ATG10: variants seen among roughly 807,000 people sequenced by gnomAD.
ATG10 encodes ubiquitin-like-conjugating enzyme ATG10.
ATG10 carries 30 observed loss-of-function variants against 32.1 expected under a neutral mutation model. That is an observed-to-expected ratio of 0.94 (90% confidence interval 0.70 to 1.27). The LOEUF is 1.27. ATG10 is among the 50% of genes most tolerant of loss of function. The probability of loss-of-function intolerance (pLI) is 0.00; values close to 1 mark genes in which losing one functional copy is unlikely to be tolerated. For missense variants in ATG10, 233 were observed against 262.3 expected, an observed-to-expected ratio of 0.89 and a Z score of 0.77; for synonymous variants, 87 against 91.5, an observed-to-expected ratio of 0.95 and a Z score of 0.28.
intron 5 of ATG10, among the ~76,000 whole-genome samples, chr5:82,237,419 G>A (rs1368164245): frequency 6.6e-6 from 1 of 151,988 alleles, no homozygotes; most frequent in Non-Finnish European, 1.5e-5. Context: ...CAAGGCAGGC[G>A]GATCACCTGA....
chr5:82,169,058 G>C (rs1260643848), intron 4 of ATG10, among the ~76,000 whole-genome samples: 1 of 152,166 alleles, frequency 6.6e-6, no homozygotes, highest in African/African-American at 2.4e-5. Context: ...TGGAGGGCTG[G>C]AGAGAGCCCA....
chr5:82,101,191 A>G (rs1765258968), intron 3 of ATG10, among the ~76,000 whole-genome samples: 1 of 152,172 alleles, frequency 6.6e-6, no homozygotes, highest in Admixed American at 6.5e-5. Flanking sequence ...ATATAAACAG[A>G]GTCTGGAGAT....
chr5:82,126,949 C>G (rs1766304134), intron 3 of ATG10, among the ~76,000 whole-genome samples: 1 of 151,980 alleles, frequency 6.6e-6, no homozygotes, highest in South Asian at 2.1e-4. Context: ...ATTACTGCCT[C>G]AGTTTCAGAA....
At chr5:82,225,958 A>C (rs1746114869) in intron 5 of ATG10, among the ~76,000 whole-genome samples, 1 of 152,236 alleles carries the variant, frequency 6.6e-6, no homozygotes, top group Admixed American at 6.5e-5. Context: ...AGCATCTTAG[A>C]GTGAGTTATA....
intron 5 of ATG10, among the ~76,000 whole-genome samples, chr5:82,248,318 T>C (rs1194079998): frequency 6.6e-6 from 1 of 152,254 alleles, no homozygotes; most frequent in African/African-American, 2.4e-5. Context: ...TTTTGCTATT[T>C]TTATTGACAG....
At chr5:82,035,145 C>T (rs1762876773) in intron 2 of ATG10, among the ~76,000 whole-genome samples, 1 of 152,150 alleles carries the variant, frequency 6.6e-6, no homozygotes, top group South Asian at 2.1e-4. Context: ...CTCCTGACCT[C>T]AGGTAATCCG....
chr5:82,239,214 G>A (rs1581839441), intron 5 of ATG10, among the ~76,000 whole-genome samples: 1 of 152,152 alleles, frequency 6.6e-6, no homozygotes, highest in South Asian at 2.1e-4. Context: ...CTACAGTGAC[G>A]TAGGGGCTAT....
chr5:82,195,537 C>T (rs191731677), intron 5 of ATG10, among the ~76,000 whole-genome samples: 1 of 152,216 alleles, frequency 6.6e-6, no homozygotes, highest in East Asian at 1.9e-4. Flanking sequence ...CGTGTGCTCC[C>T]ATTCCTTCCT....
At chr5:82,152,117 T>G (rs1767624755) in intron 3 of ATG10, among the ~76,000 whole-genome samples, 1 of 152,248 alleles carries the variant, frequency 6.6e-6, no homozygotes, top group Admixed American at 6.5e-5. Context: ...GTCTGCACCA[T>G]TACTAAATAA....
At chr5:82,092,731 T>C (rs1197309118) in intron 3 of ATG10, among the ~76,000 whole-genome samples, 1 of 152,168 alleles carries the variant, frequency 6.6e-6, no homozygotes, top group Non-Finnish European at 1.5e-5. Flanking sequence ...TCACATCTTA[T>C]TGGTCAAAAG....
intron 3 of ATG10, among the ~76,000 whole-genome samples, chr5:82,109,950 T>TCCCCCCCCC (rs5869105): frequency 7.6e-5 from 11 of 145,408 alleles, no homozygotes; most frequent in Admixed American, 2.1e-4. Flanking sequence ...CTATCCCCCA[T>TCCCCCCCCC]CCCCCCACCC....
chr5:82,190,878 A>G (rs776711110), intron 5 of ATG10, among the ~76,000 whole-genome samples: 29 of 152,104 alleles, frequency 1.9e-4, no homozygotes, highest in Non-Finnish European at 3.5e-4. Flanking sequence ...TGAGTTTTTT[A>G]AAAATGTGCA....
intron 3 of ATG10, among the ~76,000 whole-genome samples, chr5:82,119,112 T>C (rs1765938905): frequency 6.6e-6 from 1 of 152,214 alleles, no homozygotes; most frequent in Admixed American, 6.5e-5. Flanking sequence ...TTCAAGCCTA[T>C]GAAATCCAAA....
intron 2 of ATG10, among the ~76,000 whole-genome samples, chr5:82,014,555 G>A (rs1170457034): frequency 6.6e-6 from 1 of 152,184 alleles, no homozygotes; most frequent in South Asian, 2.1e-4. Flanking sequence ...AGCTCTTCTT[G>A]TTGAATTGAT....
At chr5:81,979,861 T>C (rs950711145) in intron 1 of ATG10, among the ~76,000 whole-genome samples, 12 of 149,706 alleles carry the variant, frequency 8.0e-5, no homozygotes, top group African/African-American at 2.9e-4. Context: ...TTTTTTTCCA[T>C]CTTAGAACAG....
intron 5 of ATG10, among the ~76,000 whole-genome samples, chr5:82,231,980 A>AATG (rs2150007364): frequency 6.6e-6 from 1 of 152,364 alleles, no homozygotes; most frequent in East Asian, 1.9e-4. Context: ...TCTAAAAAGT[A>AATG]ATGATAGGTA....
chr5:81,976,657 A>G lies in ATG10; in HGVS notation c.-13+4351A>G, dbSNP rs555712476. Among the ~76,000 whole-genome samples the G allele has an allele frequency of 1.2e-4, 19 of 152,316 alleles. 1 individual carries two copies. The South Asian group carries it at 3.7e-3, about 30-fold the overall frequency. The stretch of plus-strand genomic sequence containing the variant: ...CCTTGCTTCTGCCGTTCACTCTTCA[A>G]AAGCCTTCTAACTGTGTCCTTTTGG... On this transcript the variant is annotated intron_variant, in intron 1 of 7. Transcript: ENST00000282185.
chr5:82,000,102 A>G (rs1341868912), intron 2 of ATG10, among the ~76,000 whole-genome samples: 1 of 152,214 alleles, frequency 6.6e-6, no homozygotes. Flanking sequence ...GCAGCACATC[A>G]AAAAGCTAAT....
At chr5:82,096,864 A>T (rs1765084092) in intron 3 of ATG10, among the ~76,000 whole-genome samples, 1 of 152,172 alleles carries the variant, frequency 6.6e-6, no homozygotes, top group Non-Finnish European at 1.5e-5. Context: ...CTTTTTTTGT[A>T]AAATCATCTG....
Sources: allele counts gnomAD v4.1 joint callset (sites outside exome capture counted in the v4.1 genomes callset), GRCh38; gene constraint gnomAD v4.1.1; transcripts MANE v1.5; gene names NCBI Gene and HGNC (gene_info 2026-07-23, HGNC 2026-07-21).